The following LRRC4C variants were observed in gnomAD, a reference collection of about 807,000 sequenced individuals.
The protein encoded by LRRC4C is leucine rich repeat containing 4C.
LRRC4C carries 5 observed loss-of-function variants against 33.6 expected under a neutral mutation model. The observed-to-expected ratio is 0.15, with a 90% CI of 0.08 to 0.31. The LOEUF (loss-of-function observed/expected upper bound fraction) is 0.31, where lower values mean the gene tolerates loss of function less well. Ranked by LOEUF, LRRC4C falls within the 10% of genes least tolerant of loss-of-function variation. The pLI, the probability that LRRC4C is intolerant of heterozygous loss-of-function variation, is 1.00. For missense variants in LRRC4C, 560 were observed against 796.7 expected (o/e 0.70, Z 3.58); for synonymous variants, 329 against 302.0 (o/e 1.09, Z -0.93).
At chr11:41,257,409 A>T (rs2136694886) in intron 1 of LRRC4C, among the ~76,000 whole-genome samples, 1 of 152,098 alleles carries the variant, frequency 6.6e-6, no homozygotes, top group East Asian at 1.9e-4. Context: ...GGCACACTTA[A>T]CTTGGTTAAT....
chr11:41,151,094 A>G (rs1430404791), intron 1 of LRRC4C, among the ~76,000 whole-genome samples: 1 of 152,066 alleles, frequency 6.6e-6, no homozygotes, highest in African/African-American at 2.4e-5. Context: ...AGTAAGCATT[A>G]TATATATACA....
intron 4 of LRRC4C, among the ~76,000 whole-genome samples, chr11:40,246,687 T>A (rs1262983638): frequency 6.6e-6 from 1 of 152,196 alleles, no homozygotes; most frequent in Non-Finnish European, 1.5e-5. Flanking sequence ...AATCATTCTA[T>A]ACCCATGAGG....
chr11:41,182,886 A>T (rs1945516471), intron 1 of LRRC4C, among the ~76,000 whole-genome samples: 2 of 150,940 alleles, frequency 1.3e-5, no homozygotes, highest in South Asian at 2.1e-4. Context: ...TTAGAGTTCC[A>T]CAAGGCTGGG....
rs1042305181 is a variant in LRRC4C at position 41,359,804 on chromosome 11, C to T, written c.-496+99627G>A. Among the ~76,000 whole-genome samples, 10 of 152,240 alleles carry T rather than the reference C, an allele frequency of 6.6e-5. No individual in the cohort carries two copies. The South Asian group carries it at 2.1e-3, about 32-fold the overall frequency. ...AAATTCAAACTCAGGCTTTGCAATT[C>T]CATAGCCTGCGTGCTTAACCACTTA... is the stretch of plus-strand genomic sequence containing the variant. On this transcript the variant is annotated intron_variant, in intron 1 of 6. Transcript: ENST00000528697.
intron 1 of LRRC4C, among the ~76,000 whole-genome samples, chr11:41,163,845 C>T (rs1215312320): frequency 6.6e-6 from 1 of 152,140 alleles, no homozygotes; most frequent in Non-Finnish European, 1.5e-5. Context: ...CTCCTGACCT[C>T]AGGTGATCCA....
intron 3 of LRRC4C, among the ~76,000 whole-genome samples, chr11:40,522,310 G>A (rs904140233): frequency 5.3e-5 from 8 of 152,224 alleles, no homozygotes; most frequent in South Asian, 2.1e-4. Context: ...AATTATAGGC[G>A]TGAGCCCTGG....
At chr11:41,449,146 C>T (rs557991633) in intron 1 of LRRC4C, among the ~76,000 whole-genome samples, 2 of 152,228 alleles carry the variant, frequency 1.3e-5, no homozygotes, top group East Asian at 3.9e-4. Flanking sequence ...TAATTTGAAG[C>T]CCTAGGCTAC....
chr11:40,250,508 G>A (rs952487259), intron 4 of LRRC4C, among the ~76,000 whole-genome samples: 11 of 152,030 alleles, frequency 7.2e-5, no homozygotes, highest in African/African-American at 2.7e-4. Context: ...GGGAGGTCAA[G>A]TAGGGTGGGT....
At chr11:40,508,579 A>C (rs1955154226) in intron 3 of LRRC4C, among the ~76,000 whole-genome samples, 1 of 152,266 alleles carries the variant, frequency 6.6e-6, no homozygotes, top group South Asian at 2.1e-4. Context: ...TCCAAAAGGG[A>C]TTAGTCCTAG....
intron 3 of LRRC4C, among the ~76,000 whole-genome samples, chr11:40,344,462 G>C (rs919938977): frequency 6.6e-6 from 1 of 152,090 alleles, no homozygotes; most frequent in Admixed American, 6.5e-5. Context: ...ATTCCTTTAT[G>C]TTAAAAACAC....
At chr11:40,520,677 T>C (rs1955772915) in intron 3 of LRRC4C, among the ~76,000 whole-genome samples, 1 of 152,132 alleles carries the variant, frequency 6.6e-6, no homozygotes, top group Non-Finnish European at 1.5e-5. Context: ...ATTACTGAAA[T>C]GTGACACAAA....
At chr11:40,717,431 CTT>C (rs955210804) in intron 2 of LRRC4C, among the ~76,000 whole-genome samples, 4 of 152,164 alleles carry the variant, frequency 2.6e-5, no homozygotes, top group Admixed American at 2.0e-4. Flanking sequence ...CCCAAAGACT[CTT>C]TAAAATATAA....
intron 4 of LRRC4C, among the ~76,000 whole-genome samples, chr11:40,265,883 A>T (rs2136296596): frequency 6.6e-6 from 1 of 152,348 alleles, no homozygotes; most frequent in East Asian, 1.9e-4. Flanking sequence ...TTGCAAGACG[A>T]GAAGGAAGAA....
At chr11:41,107,942 A>G (rs545069342) in intron 1 of LRRC4C, among the ~76,000 whole-genome samples, 16 of 149,786 alleles carry the variant, frequency 1.1e-4, no homozygotes, top group African/African-American at 4.0e-4. Context: ...ATCTCAAAGA[A>G]AAGAAAAGAG....
At chr11:40,503,539 A>G (rs1954882597) in intron 3 of LRRC4C, among the ~76,000 whole-genome samples, 1 of 152,190 alleles carries the variant, frequency 6.6e-6, no homozygotes, top group African/African-American at 2.4e-5. Context: ...AGATATTAAA[A>G]AGCCCAATGC....
chr11:40,765,743 C>T (rs1038085359), intron 2 of LRRC4C, among the ~76,000 whole-genome samples: 3 of 151,246 alleles, frequency 2.0e-5, no homozygotes, highest in Non-Finnish European at 4.4e-5. Context: ...GAAAGAACTG[C>T]TGATCTTGAA....
intron 3 of LRRC4C, among the ~76,000 whole-genome samples, chr11:40,549,231 A>G (rs1957043701): frequency 6.6e-6 from 1 of 152,156 alleles, no homozygotes; most frequent in South Asian, 2.1e-4. Flanking sequence ...TTATGATACA[A>G]TCAGGCTAAG....
chr11:40,120,269 T>A (rs978629036), intron 6 of LRRC4C, among the ~76,000 whole-genome samples: 51 of 152,196 alleles, frequency 3.4e-4, no homozygotes, highest in African/African-American at 1.2e-3. Flanking sequence ...ACAGGTTTTA[T>A]AGGACTACAC....
intron 1 of LRRC4C, among the ~76,000 whole-genome samples, chr11:41,345,674 A>G (rs193160104): frequency 2.3e-3 from 349 of 152,298 alleles, no homozygotes; most frequent in African/African-American, 8.1e-3. Context: ...GTGGTTCTTC[A>G]TTCTAAAGTA....
Sources: gnomAD v4.1 joint callset for allele counts (sites outside exome capture counted in the v4.1 genomes callset) on GRCh38, gnomAD v4.1.1 for gene constraint, MANE v1.5 for transcripts, NCBI Gene and HGNC (gene_info 2026-07-23, HGNC 2026-07-21) for gene names.